Variants in ROBO2 observed in about 807,000 individuals in gnomAD.
The protein encoded by ROBO2 is roundabout guidance receptor 2.
ROBO2 carries 53 observed loss-of-function variants against 160.8 expected under a neutral mutation model. The ratio of observed to expected loss-of-function variants is 0.33; its 90% confidence interval spans 0.26 to 0.41. The LOEUF is 0.41. Ranked by LOEUF, ROBO2 falls within the 10% of genes least tolerant of loss-of-function variation. ROBO2 has a pLI of 1.00. For synonymous variants in ROBO2, 664 were observed against 611.7 expected, an observed-to-expected ratio of 1.09 and a Z score of -1.26; for missense variants, 1,577 against 1,722.4, an observed-to-expected ratio of 0.92 and a Z score of 1.49.
intron 2 of ROBO2, chr3:76,434,649 G>A (rs2076585068): frequency 1.5e-6 from 2 of 1,293,194 alleles, no homozygotes; most frequent in East Asian, 2.3e-5. Flanking sequence ...AGAACTGAGT[G>A]GACTCTGCCA....
chr3:76,185,215 T>TATATATACAC, intron 2 of ROBO2, among the ~76,000 whole-genome samples: 53 of 90,282 alleles, frequency 5.9e-4, no homozygotes, highest in African/African-American at 1.6e-3. Context: ...TATATATATA[T>TATATATACAC]ACACACACAA....
intron 2 of ROBO2, among the ~76,000 whole-genome samples, chr3:76,959,177 T>C (rs1341219402): frequency 6.6e-6 from 1 of 152,204 alleles, no homozygotes; most frequent in East Asian, 1.9e-4. Flanking sequence ...CAAACAACTC[T>C]TATTAACCAG....
intron 2 of ROBO2, among the ~76,000 whole-genome samples, chr3:76,948,874 T>TTATATATATATATA (rs71104642): frequency 7.4e-4 from 36 of 48,594 alleles, no homozygotes; most frequent in African/African-American, 2.7e-3. Flanking sequence ...CCGGCTAATT[T>TTATATATATATATA]TATATATATA....
At chr3:76,212,420 G>A (rs981227919) in intron 2 of ROBO2, among the ~76,000 whole-genome samples, 2 of 151,790 alleles carry the variant, frequency 1.3e-5, no homozygotes, top group African/African-American at 4.8e-5. Flanking sequence ...CATTATTACA[G>A]GCTAAAATAG....
intron 8 of ROBO2, 130 bp downstream of exon 9, chr3:77,551,119 G>A: frequency 9.8e-7 from 1 of 1,023,822 alleles, no homozygotes. Flanking sequence ...TTTGAATCCA[G>A]GTCACATTCT....
At chr3:76,901,877 C>T (rs2075263447) in intron 2 of ROBO2, among the ~76,000 whole-genome samples, 1 of 151,778 alleles carries the variant, frequency 6.6e-6, no homozygotes, top group Non-Finnish European at 1.5e-5. Context: ...TGGTTCAATC[C>T]TAACTTTTTT....
intron 1 of ROBO2, among the ~76,000 whole-genome samples, chr3:77,046,225 A>G (rs1337714233): frequency 6.6e-6 from 1 of 152,212 alleles, no homozygotes; most frequent in Non-Finnish European, 1.5e-5. Flanking sequence ...TATATGAAGT[A>G]GATATTTTCT....
At chr3:77,056,983 A>T (rs2065813384) in intron 1 of ROBO2, among the ~76,000 whole-genome samples, 1 of 152,194 alleles carries the variant, frequency 6.6e-6, no homozygotes, top group South Asian at 2.1e-4. Flanking sequence ...AAGGATTATC[A>T]ATCATGCTGC....
chr3:77,295,818 G>T (rs981343925), intron 2 of ROBO2, among the ~76,000 whole-genome samples: 1 of 147,696 alleles, frequency 6.8e-6, no homozygotes, highest in Non-Finnish European at 1.5e-5. Context: ...GAGCACTAAA[G>T]ACATAAAGTA....
At chr3:77,278,741 A>C (rs1223425018) in intron 2 of ROBO2, among the ~76,000 whole-genome samples, 1 of 152,156 alleles carries the variant, frequency 6.6e-6, no homozygotes, top group Non-Finnish European at 1.5e-5. Flanking sequence ...ATCAGAGTTG[A>C]CTAATTTTTG....
At chr3:76,486,232 A>G (rs1158601263) in intron 2 of ROBO2, among the ~76,000 whole-genome samples, 2 of 152,192 alleles carry the variant, frequency 1.3e-5, no homozygotes, top group African/African-American at 4.8e-5. Context: ...CATTGTCAAG[A>G]TGATGTTGGA....
chr3:77,251,647 C>A (rs1230584836), intron 2 of ROBO2, among the ~76,000 whole-genome samples: 2 of 152,120 alleles, frequency 1.3e-5, no homozygotes, highest in African/African-American at 4.8e-5. Flanking sequence ...TGAATTGTAG[C>A]TCCCATAATT....
chr3:75,929,125 T>G (rs1288952006), intron 1 of ROBO2, among the ~76,000 whole-genome samples: 2 of 149,840 alleles, frequency 1.3e-5, no homozygotes, highest in Non-Finnish European at 2.9e-5. Context: ...GAATGATCTA[T>G]GTACTTTCAA....
chr3:76,764,168 GT>G (rs1241196587), intron 2 of ROBO2, among the ~76,000 whole-genome samples: 1 of 151,654 alleles, frequency 6.6e-6, no homozygotes, highest in African/African-American at 2.4e-5. Context: ...TAATCTCCCT[GT>G]TGCTTTCTCT....
intron 2 of ROBO2, among the ~76,000 whole-genome samples, chr3:76,686,327 G>C (rs1338962791): frequency 6.6e-6 from 1 of 151,964 alleles, no homozygotes; most frequent in African/African-American, 2.4e-5. Flanking sequence ...TTTCTAGTCT[G>C]TTCTGTCCAT....
intron 1 of ROBO2, among the ~76,000 whole-genome samples, chr3:75,920,964 T>TG (rs1947018110): frequency 6.6e-6 from 1 of 152,130 alleles, no homozygotes; most frequent in African/African-American, 2.4e-5. Context: ...AGCACACCTC[T>TG]GGATATTGAC....
At chr3:76,042,929 G>A (rs2067318979) in intron 2 of ROBO2, among the ~76,000 whole-genome samples, 1 of 152,004 alleles carries the variant, frequency 6.6e-6, no homozygotes. Context: ...CACTCAGGGA[G>A]CTCGGATTTT....
chr3:76,615,616 C>CA (rs1354134401), intron 2 of ROBO2, among the ~76,000 whole-genome samples: 4 of 151,940 alleles, frequency 2.6e-5, no homozygotes, highest in Admixed American at 2.0e-4. Context: ...AAGGAAGGGC[C>CA]AAAAAATAAT....
intron 2 of ROBO2, among the ~76,000 whole-genome samples, chr3:76,883,242 A>T (rs2148762507): frequency 6.6e-6 from 1 of 152,296 alleles, no homozygotes; most frequent in African/African-American, 2.4e-5. Flanking sequence ...ATATTCTTTT[A>T]AAAGTCCACA....
Sources: gnomAD v4.1 joint callset for allele counts (sites outside exome capture counted in the v4.1 genomes callset) on GRCh38, gnomAD v4.1.1 for gene constraint, MANE v1.5 for transcripts, NCBI Gene and HGNC (gene_info 2026-07-23, HGNC 2026-07-21) for gene names.